Variants in ABCB1 observed in about 807,000 individuals in gnomAD.
ABCB1 encodes the protein ATP binding cassette subfamily B member 1.
Under a neutral mutation model 142.0 loss-of-function variants are expected in ABCB1, and 69 were observed. The observed-to-expected ratio is 0.49, with a 90% CI of 0.40 to 0.59. The LOEUF (loss-of-function observed/expected upper bound fraction) is 0.59. Ranked by LOEUF, ABCB1 falls within the 20% of genes least tolerant of loss-of-function variation. The pLI, the probability that ABCB1 is intolerant of heterozygous loss-of-function variation, is 0.00. For missense variants in ABCB1, 1,326 were observed against 1,554.7 expected, an observed-to-expected ratio of 0.85 and a Z score of 2.47; for synonymous variants, 532 against 539.2, an observed-to-expected ratio of 0.99 and a Z score of 0.18.
intron 4 of ABCB1, among the ~76,000 whole-genome samples, chr7:87,572,827 T>G (rs1192008648): frequency 7.2e-6 from 1 of 139,328 alleles, no homozygotes; most frequent in African/African-American, 2.7e-5. Context: ...TTTTCACTTA[T>G]AAGTAGGATC....
chr7:87,582,430 C>A (rs558341427), intron 4 of ABCB1, among the ~76,000 whole-genome samples: 7 of 152,092 alleles, frequency 4.6e-5, no homozygotes, highest in Non-Finnish European at 7.4e-5. Context: ...ATTGGTTCAC[C>A]CTTGTCCATC....
At chr7:87,595,860 T>A (rs746116301) in intron 2 of ABCB1, 46 bp from the exon 3 acceptor site, 2 of 1,441,376 alleles carry the variant, frequency 1.4e-6, no homozygotes, top group South Asian at 1.2e-5. Context: ...AAAGTACATA[T>A]TTTTTAAATT....
At chr7:87,607,445 A>G (rs1210496783) in intron 1 of ABCB1, among the ~76,000 whole-genome samples, 3 of 152,202 alleles carry the variant, frequency 2.0e-5, no homozygotes, top group Non-Finnish European at 4.4e-5. Flanking sequence ...GAGCTAGAGA[A>G]ATGTCCATTA....
At chr7:87,642,168 ATC>A (rs1822524637) in intron 1 of ABCB1, among the ~76,000 whole-genome samples, 1 of 151,946 alleles carries the variant, frequency 6.6e-6, no homozygotes, top group Non-Finnish European at 1.5e-5. Context: ...ACCCAAATAT[ATC>A]TGGTTTCAAA....
chr7:87,660,619 T>A (rs1824599852), intron 1 of ABCB1, among the ~76,000 whole-genome samples: 1 of 152,018 alleles, frequency 6.6e-6, no homozygotes, highest in Admixed American at 6.6e-5. Context: ...GCTTTGCTGA[T>A]CATTTATGTA....
intron 1 of ABCB1, among the ~76,000 whole-genome samples, chr7:87,698,409 A>G (rs1828699375): frequency 1.3e-5 from 2 of 152,192 alleles, no homozygotes; most frequent in African/African-American, 2.4e-5. Flanking sequence ...TTTTATTTTT[A>G]AAGAGACATT....
At chr7:87,575,079 A>G (rs887253674) in intron 4 of ABCB1, among the ~76,000 whole-genome samples, 1 of 152,214 alleles carries the variant, frequency 6.6e-6, no homozygotes, top group African/African-American at 2.4e-5. Flanking sequence ...AGAGAGATAC[A>G]TTAGACCTTT....
intron 4 of ABCB1, among the ~76,000 whole-genome samples, chr7:87,575,638 T>A (rs1378752951): frequency 1.3e-5 from 2 of 152,198 alleles, no homozygotes; most frequent in Non-Finnish European, 2.9e-5. Flanking sequence ...AATTTGGATC[T>A]TTTGCCTAAA....
intron 1 of ABCB1, among the ~76,000 whole-genome samples, chr7:87,674,158 G>A (rs534502915): frequency 6.6e-6 from 1 of 152,332 alleles, no homozygotes; most frequent in East Asian, 1.9e-4. Context: ...CTTCATCGAG[G>A]TGGTGGCAGT....
At chr7:87,581,847 C>T (rs1044779364) in intron 4 of ABCB1, among the ~76,000 whole-genome samples, 7 of 152,106 alleles carry the variant, frequency 4.6e-5, no homozygotes, top group African/African-American at 1.7e-4. Context: ...TCTAGTCCAC[C>T]CCCATGGAGA....
At chr7:87,542,658 CTT>C (rs71649831) in intron 17 of ABCB1, among the ~76,000 whole-genome samples, 142 of 146,430 alleles carry the variant, frequency 9.7e-4, no homozygotes, top group Non-Finnish European at 1.3e-3. Flanking sequence ...TAACCATTTC[CTT>C]TTTTTTTTTT....
At chr7:87,541,493 G>A in intron 17 of ABCB1, 29 bp from the exon 18 acceptor site, 1 of 1,471,474 alleles carries the variant, frequency 6.8e-7, no homozygotes, top group Non-Finnish European at 9.5e-7. Context: ...AGGATTTTTA[G>A]TTCAATCAGT....
chr7:87,607,173 A>T (rs1033918850), intron 1 of ABCB1, among the ~76,000 whole-genome samples: 2 of 152,176 alleles, frequency 1.3e-5, no homozygotes, highest in Non-Finnish European at 2.9e-5. Flanking sequence ...TATAAGTTGG[A>T]TACATGGTTT....
In ABCB1 at chr7:87,509,193, G is replaced by A. The variant is rs543570716; in HGVS notation, c.3489+82C>T. 435 of 1,433,986 alleles carry A rather than the reference G, an allele frequency of 3.0e-4. 1 individual carries two copies. In the African/African-American group the frequency reaches 5.5e-3, roughly 18 times the overall value. 88.8% of individuals were successfully genotyped at this position (1,433,986 alleles called of 1,614,324 possible). ...GTTGCTAATTTCTCTTCACTTCTGG[G>A]AGACCAGCCCCTTATAAATCAAACT... is the stretch of plus-strand genomic sequence containing the variant. On this transcript the variant is annotated intron_variant, in intron 26 of 27. Coordinates refer to ENST00000622132, the MANE Select transcript of ABCB1 (RefSeq NM_001348946.2).
chr7:87,610,696 G>C (rs1205483379), intron 1 of ABCB1, among the ~76,000 whole-genome samples: 1 of 152,156 alleles, frequency 6.6e-6, no homozygotes, highest in East Asian at 1.9e-4. Flanking sequence ...CATCATCTTT[G>C]TTACTGTTTA....
At chr7:87,625,281 A>C (rs1014006297) in intron 1 of ABCB1, among the ~76,000 whole-genome samples, 3 of 152,152 alleles carry the variant, frequency 2.0e-5, no homozygotes, top group African/African-American at 7.2e-5. Context: ...AAAAAGAAAA[A>C]TAACACGATT....
chr7:87,567,155 T>C (rs929626259), intron 5 of ABCB1, among the ~76,000 whole-genome samples, 179 bp from the exon 6 acceptor site: 7 of 152,248 alleles, frequency 4.6e-5, no homozygotes, highest in Non-Finnish European at 8.8e-5. Context: ...TGCACCAATA[T>C]GGTGGAATGG....
At chr7:87,656,805 C>T (rs1482981104) in intron 1 of ABCB1, among the ~76,000 whole-genome samples, 1 of 152,136 alleles carries the variant, frequency 6.6e-6, no homozygotes, top group Admixed American at 6.6e-5. Flanking sequence ...CATCACTAAG[C>T]TACTTAAATT....
chr7:87,557,414 T>A (rs1310323898), intron 8 of ABCB1, among the ~76,000 whole-genome samples: 1 of 152,218 alleles, frequency 6.6e-6, no homozygotes, highest in African/African-American at 2.4e-5. Context: ...ATGGCCAACT[T>A]GGGAAGGACA....
Sources: allele counts gnomAD v4.1 joint callset (sites outside exome capture counted in the v4.1 genomes callset), GRCh38; gene constraint gnomAD v4.1.1; transcripts MANE v1.5; gene names NCBI Gene and HGNC (gene_info 2026-07-23, HGNC 2026-07-21).